Variants in KDM6A observed in about 807,000 individuals in gnomAD.
KDM6A encodes lysine demethylase 6A, also known as lysine-specific demethylase 6A.
KDM6A carries 11 observed loss-of-function variants against 117.6 expected under a neutral mutation model. The observed-to-expected ratio is 0.09, with a 90% CI of 0.06 to 0.15. KDM6A has a LOEUF of 0.15. Ranked by LOEUF, KDM6A falls within the 10% of genes least tolerant of loss-of-function variation. The probability of loss-of-function intolerance (pLI) is 1.00; values close to 1 mark genes in which losing one functional copy is unlikely to be tolerated. For missense variants in KDM6A, 799 were observed against 1,077.3 expected, an observed-to-expected ratio of 0.74 and a Z score of 3.62; for synonymous variants, 384 against 396.1, an observed-to-expected ratio of 0.97 and a Z score of 0.36.
At chrX:45,096,448 G>A (rs1439773290) in intron 27 of KDM6A, among the ~76,000 whole-genome samples, 1 of 111,678 alleles carries the variant, frequency 9.0e-6, no homozygotes, top group Non-Finnish European at 1.9e-5. Flanking sequence ...TTGAGAAACC[G>A]TCAAACCATT....
intron 2 of KDM6A, among the ~76,000 whole-genome samples, chrX:44,876,911 G>GTATACACACATATACATATACGCA (rs2031644520): frequency 9.1e-6 from 1 of 110,055 alleles, no homozygotes; most frequent in Non-Finnish European, 1.9e-5. Context: ...ATACATATAC[G>GTATACACACATATACATATACGCA]TATACACACA....
At position 45,111,543 on chromosome X, in the gene KDM6A, G is replaced by A. The variant is rs185546488; in HGVS notation, c.*132G>A. 2.1e-3 allele frequency: 1,194 copies of A among 577,971 alleles called. 4 individuals are homozygous for A. The highest frequency in any genetic ancestry group is 2.8e-3 in the Non-Finnish European group (950 of 334,954). 47.6% of individuals were successfully genotyped at this position (577,971 alleles called of 1,213,427 possible). On this transcript the variant is annotated 3_prime_UTR_variant, in exon 30 of 30. Transcript: ENST00000611820. ...TGTGTCTATGCAACCTTCCAAGTGC[G>A]GAGTGTCAACCAACTGGACGGGAGA...
intron 2 of KDM6A, among the ~76,000 whole-genome samples, chrX:44,954,608 A>T (rs996549962): frequency 1.8e-5 from 2 of 111,553 alleles, no homozygotes; most frequent in Non-Finnish European, 3.8e-5. Flanking sequence ...GTAGGAAGTT[A>T]GTGGGATGAG....
intron 8 of KDM6A, among the ~76,000 whole-genome samples, chrX:45,039,217 C>T (rs2042943096): frequency 9.1e-6 from 1 of 110,397 alleles, no homozygotes; most frequent in African/African-American, 3.3e-5. Context: ...TCCCCATCCC[C>T]CCTCTGCCTC....
At chrX:45,027,336 A>AACACACACACACACACACAC (rs200245833) in intron 6 of KDM6A, among the ~76,000 whole-genome samples, 81 of 98,149 alleles carry the variant, frequency 8.3e-4, no homozygotes, top group African/African-American at 2.7e-3. Context: ...CATAGTGTGA[A>AACACACACACACACACACAC]ACACACACAC....
intron 2 of KDM6A, among the ~76,000 whole-genome samples, chrX:44,921,552 A>G (rs978750957): frequency 9.0e-6 from 1 of 111,473 alleles, no homozygotes; most frequent in African/African-American, 3.3e-5. Flanking sequence ...ACCTCTGGGA[A>G]CCACCAATCT....
chrX:44,923,277 G>A (rs1257468493), intron 2 of KDM6A, among the ~76,000 whole-genome samples: 3 of 110,510 alleles, frequency 2.7e-5, no homozygotes, highest in Non-Finnish European at 5.7e-5. Context: ...GGGCATGTGG[G>A]TTTTAAATTT....
At chrX:44,879,274 A>G (rs1024749092) in intron 2 of KDM6A, among the ~76,000 whole-genome samples, 1 of 112,169 alleles carries the variant, frequency 8.9e-6, no homozygotes, top group Middle Eastern at 4.6e-3. Context: ...ACTCTTTGAA[A>G]TTGATGTTAA....
chrX:44,921,374 A>G (rs1361918596), intron 2 of KDM6A, among the ~76,000 whole-genome samples: 1 of 111,609 alleles, frequency 9.0e-6, no homozygotes, highest in Non-Finnish European at 1.9e-5. Context: ...CCAGGTATGT[A>G]TGTACTTATT....
intron 8 of KDM6A, among the ~76,000 whole-genome samples, chrX:45,040,510 C>A (rs2043068014): frequency 1.3e-5 from 1 of 77,656 alleles, no homozygotes; most frequent in Non-Finnish European, 2.6e-5. Flanking sequence ...ACCCCCCCAC[C>A]TCCCTCCCGG....
intron 10 of KDM6A, among the ~76,000 whole-genome samples, chrX:45,058,149 T>G (rs1467380242): frequency 1.0e-5 from 1 of 97,770 alleles, no homozygotes; most frequent in Non-Finnish European, 2.0e-5. Flanking sequence ...TCCTAAATTC[T>G]CAGGCCAATT....
rs386825042 is a variant in KDM6A at position 44,924,412 on chromosome X, ACTTGG to A, written c.226-36871_226-36867del. On this transcript the variant is annotated intron_variant, in intron 2 of 29. Transcript: ENST00000611820. ...CTCTGTTCTGGGATGCAGTTAAATCACTTGGAAATAGTTTGATGCTTTTGAGGCTT... is the reference window on the plus strand; with the variant it reads ...CTCTGTTCTGGGATGCAGTTAAATCAAAATAGTTTGATGCTTTTGAGGCTT... 5.9e-3 allele frequency among the ~76,000 whole-genome samples: 663 copies of A among 112,252 alleles called. 5 individuals are homozygous for A. Among genetic ancestry groups the A allele is most frequent in the African/African-American group, 0.02 (624 of 30,940 alleles).
chrX:44,924,587 A>G (rs1382559392), intron 2 of KDM6A, among the ~76,000 whole-genome samples: 1 of 106,498 alleles, frequency 9.4e-6, no homozygotes, highest in Non-Finnish European at 1.9e-5. Flanking sequence ...TGGGAGCACA[A>G]CTGTGTTTGG....
intron 3 of KDM6A, among the ~76,000 whole-genome samples, chrX:44,964,001 A>G (rs933132672): frequency 1.8e-5 from 2 of 110,147 alleles, no homozygotes; most frequent in Non-Finnish European, 3.8e-5. Context: ...TTACACAGGC[A>G]TGAGCCACTG....
chrX:45,064,173 G>GTGTT (rs1483651775), intron 17 of KDM6A, among the ~76,000 whole-genome samples: 1 of 112,039 alleles, frequency 8.9e-6, no homozygotes, highest in African/African-American at 3.2e-5. Context: ...ACTAAACTAG[G>GTGTT]TGTTAGGTAT....
At chrX:44,993,281 A>G (rs1453829394) in intron 4 of KDM6A, among the ~76,000 whole-genome samples, 2 of 112,329 alleles carry the variant, frequency 1.8e-5, no homozygotes, top group Non-Finnish European at 3.8e-5. Context: ...GGATATCTTA[A>G]TGAAATTTTT....
intron 5 of KDM6A, among the ~76,000 whole-genome samples, chrX:45,017,503 C>A (rs1410283509): frequency 9.3e-6 from 1 of 107,112 alleles, no homozygotes; most frequent in Non-Finnish European, 1.9e-5. Context: ...TCCTTCTCCC[C>A]CTCCCCCAGT....
chrX:44,940,294 TC>T (rs1486583498), intron 2 of KDM6A, among the ~76,000 whole-genome samples: 3 of 111,304 alleles, frequency 2.7e-5, no homozygotes, highest in Non-Finnish European at 5.7e-5. Flanking sequence ...CCTCAAGTGA[TC>T]CGTCCGCCTC....
At chrX:44,963,483 G>GTGTGTGTGTCTGTC (rs1481840859) in intron 3 of KDM6A, among the ~76,000 whole-genome samples, 571 of 40,860 alleles carry the variant, frequency 0.014, 13 homozygotes, top group African/African-American at 0.037. Context: ...GTGTGTGTGT[G>GTGTGTGTGTCTGTC]TGTCTGTCTG....
Sources: allele counts gnomAD v4.1 joint callset (sites outside exome capture counted in the v4.1 genomes callset), GRCh38; gene constraint gnomAD v4.1.1; transcripts MANE v1.5; gene names NCBI Gene and HGNC (gene_info 2026-07-23, HGNC 2026-07-21).